SOX6: variants seen among roughly 807,000 people sequenced by gnomAD.
SOX6 encodes transcription factor SOX-6.
Under a neutral mutation model 97.8 loss-of-function variants are expected in SOX6, and 11 were observed. That is an observed-to-expected ratio of 0.11 (90% CI 0.07 to 0.19). The LOEUF is 0.19. Ranked by LOEUF, SOX6 falls within the 10% of genes least tolerant of loss-of-function variation. The pLI is 1.00. For synonymous variants in SOX6, 360 were observed against 371.4 expected, an observed-to-expected ratio of 0.97 and a Z score of 0.35; for missense variants, 810 against 1,039.5, an observed-to-expected ratio of 0.78 and a Z score of 3.04.
At chr11:16,511,540 AG>A (rs1271531056) in intron 4 of SOX6, among the ~76,000 whole-genome samples, 1 of 151,962 alleles carries the variant, frequency 6.6e-6, no homozygotes, top group Non-Finnish European at 1.5e-5. Flanking sequence ...TTTTTAATGT[AG>A]TACCTGAATT....
intron 1 of SOX6, among the ~76,000 whole-genome samples, chr11:16,406,857 A>G (rs1858696917): frequency 6.6e-6 from 1 of 152,172 alleles, no homozygotes; most frequent in Admixed American, 6.6e-5. Flanking sequence ...CTGTCTACAT[A>G]GCCACTCAAA....
Position 15,982,156 on chromosome 11 carries a change from G to T in SOX6, c.2183+4048C>A, listed in dbSNP as rs1853674156. 2.6e-5 allele frequency among the ~76,000 whole-genome samples: 4 copies of T among 152,120 alleles called. No homozygotes were observed. The South Asian group carries it at 8.3e-4, about 32-fold the overall frequency. ...GCTATACCGCCTCTGTGTGTGTAATGTCGTGTCCTTACCAATGTCCTTTGG... is the reference window on the plus strand; with the variant it reads ...GCTATACCGCCTCTGTGTGTGTAATTTCGTGTCCTTACCAATGTCCTTTGG... On this transcript the variant is annotated intron_variant, in intron 15 of 15. Transcript: ENST00000683767.
chr11:16,098,919 G>T (rs1163369437), intron 7 of SOX6, among the ~76,000 whole-genome samples: 1 of 151,742 alleles, frequency 6.6e-6, no homozygotes, highest in Non-Finnish European at 1.5e-5. Context: ...TGGTTCCTGG[G>T]AACTCATCCT....
At chr11:16,027,592 A>G (rs1029668303) in intron 12 of SOX6, among the ~76,000 whole-genome samples, 1 of 152,230 alleles carries the variant, frequency 6.6e-6, no homozygotes, top group Non-Finnish European at 1.5e-5. Flanking sequence ...GTTCTTTGCT[A>G]TGTGAAGCAG....
intron 4 of SOX6, among the ~76,000 whole-genome samples, chr11:16,220,590 T>C (rs778099620): frequency 2.6e-5 from 4 of 151,510 alleles, no homozygotes; most frequent in Non-Finnish European, 5.9e-5. Context: ...TCCCATGAGA[T>C]AATTTGTGAT....
intron 3 of SOX6, among the ~76,000 whole-genome samples, chr11:16,708,889 TG>T (rs1848156424): frequency 6.6e-6 from 1 of 152,248 alleles, no homozygotes; most frequent in Admixed American, 6.5e-5. Context: ...TAAGATGTGA[TG>T]TTTTGACATT....
intron 2 of SOX6, among the ~76,000 whole-genome samples, chr11:16,721,502 C>CTCTG (rs1848261646): frequency 4.4e-3 from 34 of 7,738 alleles, no homozygotes; most frequent in African/African-American, 0.016. Flanking sequence ...TCTTTTCTGT[C>CTCTG]TCTCTCTCTC....
At chr11:16,647,587 G>A (rs1242706582) in intron 3 of SOX6, among the ~76,000 whole-genome samples, 2 of 152,138 alleles carry the variant, frequency 1.3e-5, no homozygotes, top group African/African-American at 2.4e-5. Flanking sequence ...AAGAACCACA[G>A]AAGAAATGTA....
chr11:16,721,844 C>T (rs1460931752), intron 2 of SOX6, among the ~76,000 whole-genome samples: 1 of 151,460 alleles, frequency 6.6e-6, no homozygotes, highest in Admixed American at 6.6e-5. Context: ...CAGAAAATTG[C>T]ACAGACAAAT....
chr11:16,230,447 T>C (rs1343000006), intron 4 of SOX6, among the ~76,000 whole-genome samples: 1 of 151,612 alleles, frequency 6.6e-6, no homozygotes, highest in Non-Finnish European at 1.5e-5. Context: ...CAAAATTCAA[T>C]AGCATCCCTA....
intron 9 of SOX6, among the ~76,000 whole-genome samples, chr11:16,086,334 G>A (rs1848577341): frequency 6.6e-6 from 1 of 152,134 alleles, no homozygotes; most frequent in Non-Finnish European, 1.5e-5. Context: ...AGATTCCTGA[G>A]AAGAAAGCAG....
At chr11:16,708,104 T>C (rs1848150919) in intron 3 of SOX6, among the ~76,000 whole-genome samples, 1 of 152,150 alleles carries the variant, frequency 6.6e-6, no homozygotes, top group South Asian at 2.1e-4. Flanking sequence ...AGCCACTTTA[T>C]AGTTTGGAAA....
chr11:16,020,114 A>G (rs1203175167), intron 12 of SOX6, among the ~76,000 whole-genome samples: 1 of 152,166 alleles, frequency 6.6e-6, no homozygotes, highest in East Asian at 1.9e-4. Flanking sequence ...CTCTTTACCC[A>G]GCTTCCCCTC....
chr11:16,631,180 T>C (rs1195205685), intron 3 of SOX6, among the ~76,000 whole-genome samples: 1 of 152,146 alleles, frequency 6.6e-6, no homozygotes, highest in Non-Finnish European at 1.5e-5. Flanking sequence ...TATAAGGTCT[T>C]TAGGCTATGT....
Position 16,061,634 on chromosome 11 carries a change from C to T in SOX6, c.1102-5733G>A, listed in dbSNP as rs570651252. Among the ~76,000 whole-genome samples the T allele has an allele frequency of 5.9e-5, 9 of 151,968 alleles. No individual in the cohort carries two copies. The East Asian group carries it at 1.7e-3, about 29-fold the overall frequency. On this transcript the variant is annotated intron_variant, in intron 9 of 15. Transcript: ENST00000683767. ...AAGCTGGAGGCATCATATTACCTGA[C>T]TTCAAATTACACTACAAACCTATAG...
chr11:16,460,404 TC>T (rs1859899516), intron 1 of SOX6, among the ~76,000 whole-genome samples: 1 of 152,038 alleles, frequency 6.6e-6, no homozygotes, highest in Non-Finnish European at 1.5e-5. Context: ...GTCCAGAAGA[TC>T]TCTGAGTTCA....
At chr11:16,375,560 A>C (rs574137537) in intron 1 of SOX6, among the ~76,000 whole-genome samples, 1 of 152,124 alleles carries the variant, frequency 6.6e-6, no homozygotes, top group Non-Finnish European at 1.5e-5. Flanking sequence ...AAAACTCTAA[A>C]GTTGCATATT....
Position 16,504,277 on chromosome 11 carries a change from T to C in SOX6, n.610-27889A>G, listed in dbSNP as rs554289713. Among the ~76,000 whole-genome samples the C allele has an allele frequency of 4.6e-5, 7 of 152,068 alleles. No individual in the cohort carries two copies. The South Asian group carries it at 1.5e-3, about 32-fold the overall frequency. The stretch of plus-strand genomic sequence containing the variant: ...AGGCAAGAAAAAGGAATAAAAGGCA[T>C]ACAAATTGGAAAAGAAGTCAAATTG... On this transcript the variant is annotated intron_variant and non_coding_transcript_variant, in intron 4 of 5. Transcript: ENST00000524520.
At chr11:16,617,418 AC>A (rs1848485509) in intron 3 of SOX6, among the ~76,000 whole-genome samples, 1 of 151,902 alleles carries the variant, frequency 6.6e-6, no homozygotes, top group Non-Finnish European at 1.5e-5. Context: ...TATGTTATCA[AC>A]CTACTTTCAA....
Sources: gnomAD v4.1 joint callset for allele counts (sites outside exome capture counted in the v4.1 genomes callset) on GRCh38, gnomAD v4.1.1 for gene constraint, MANE v1.5 for transcripts, NCBI Gene and HGNC (gene_info 2026-07-23, HGNC 2026-07-21) for gene names.